ALPI: variants seen among roughly 807,000 people sequenced by gnomAD.
ALPI encodes alkaline phosphatase, intestinal, also known as intestinal-type alkaline phosphatase.
A neutral mutation model predicts 51.5 loss-of-function variants in ALPI; 50 were observed. That is an observed-to-expected ratio of 0.97 (90% CI 0.77 to 1.23). The LOEUF is 1.23. Among genes scored for constraint, ALPI ranks in the 50% most tolerant of loss-of-function variants. ALPI has a pLI of 0.00. For missense variants in ALPI, 692 were observed against 722.4 expected (o/e 0.96, Z 0.48); for synonymous variants, 322 against 308.2 (o/e 1.04, Z -0.47).
At position 232,460,249 on chromosome 2, in the gene ALPI, G is replaced by A. The variant is rs1212830665; in HGVS notation, c.*1103G>A. ...AGGCCAAGGGCTGGATCAGAGGGGT[G>A]GGGGTGGGTGGGCAGAGTGGGGAAA... On this transcript the variant is annotated 3_prime_UTR_variant, in exon 11 of 11. Coordinates refer to ENST00000295463, the MANE Select transcript of ALPI (RefSeq NM_001631.5). Among the ~76,000 whole-genome samples the A allele has an allele frequency of 1.3e-5, 2 of 151,794 alleles. No individual in the cohort carries two copies. The highest frequency in any genetic ancestry group is 2.9e-5 in the Non-Finnish European group (2 of 67,930).
In ALPI at chr2:232,456,577, C is replaced by T; in HGVS notation, c.185-3C>T. The stretch of plus-strand genomic sequence containing the variant: ...CAGGACTCACACATTTCTGCTCCTT[C>T]AGGGTTGGGGGTGCCCACGGTGACA... On this transcript the variant is annotated splice_region_variant and splice_polypyrimidine_tract_variant and intron_variant, in intron 2 of 10. Transcript: ENST00000295463. This position sits in a 1 kb window ranked among gnomAD's most constrained non-coding sequence, Gnocchi z 4.2. The T allele has an allele frequency of 6.2e-7, 1 of 1,611,846 alleles. No individual in the cohort carries two copies. Among genetic ancestry groups the T allele is most frequent in the South Asian group, 1.1e-5 (1 of 90,686 alleles).
Position 232,456,761 on chromosome 2 carries a change from A to G in ALPI, c.300+66A>G. The G allele has an allele frequency of 1.3e-6, 2 of 1,545,084 alleles. No individual in the cohort carries two copies. Among genetic ancestry groups the G allele is most frequent in the East Asian group, 2.4e-5 (1 of 42,184 alleles). ...AGGGATCAAGGATATGGAGTGTGGCAGGAGGGAGGGAGCCAGGACAGCTGG... is the reference window on the plus strand; with the variant it reads ...AGGGATCAAGGATATGGAGTGTGGCGGGAGGGAGGGAGCCAGGACAGCTGG... On this transcript the variant is annotated intron_variant, in intron 3 of 10. Transcript: ENST00000295463. This position sits in a 1 kb window ranked among gnomAD's most constrained non-coding sequence, Gnocchi z 4.2.
chr2:232,458,721 C>T lies in ALPI; in HGVS notation c.1273C>T (p.Arg425Ter), dbSNP rs746291191. The T allele has an allele frequency of 1.1e-5, 18 of 1,613,914 alleles. No individual in the cohort carries two copies. The highest frequency in any genetic ancestry group is 3.3e-5 in the South Asian group (3 of 91,078). The stretch of plus-strand genomic sequence containing the variant: ...GGGCTACGTGTTCAACTCAGGCGTG[C>T]GACCAGACGTGAATGAGAGCGAGAG... Reference protein sequence around the residue: ...GPGYVFNSGVRPDVNESESGS... With the variant: ...GPGYVFNSGV The change falls in exon 10 of 11, where the codon CGA (arginine) becomes TGA (stop). Residue 425 changes from arginine (R) to a stop codon, truncating the protein, a stop_gained. Coordinates refer to ENST00000295463, the MANE Select transcript of ALPI (RefSeq NM_001631.5). LOFTEE classifies it low-confidence loss of function (END_TRUNC).
chr2:232,458,292 C>T lies in ALPI; in HGVS notation c.1067C>T (p.Ala356Val). 6.2e-7 allele frequency: 1 copy of T among 1,614,162 alleles called. No homozygotes were observed. The highest frequency in any genetic ancestry group is 1.1e-5 in the South Asian group (1 of 91,084). The change falls in exon 9 of 11, where the codon GCC (alanine) becomes GTC (valine). Residue 356 changes from alanine (A) to valine (V), a missense_variant. Physicochemically the swap from Ala to Val is moderately conservative, Grantham distance 64 (BLOSUM62 0). Transcript: ENST00000295463. ...ACTGAGGCGGTCATGTTCGACGACG[C>T]CATTGAGAGGGCGGGCCAGCTCACC... is the stretch of plus-strand genomic sequence containing the variant. ...ALTEAVMFDD[A>V]IERAGQLTSE... is the part of the protein sequence containing the mutation.
At position 232,456,502 on chromosome 2, in the gene ALPI, A is replaced by G; in HGVS notation, c.184+37A>G. Reference sequence around the variant, plus strand: ...AGGCCTGTCCAGCCCCGTAGTCCTCACAGCCCCGGCACCCGGGACCTTCAG... The same window carrying G: ...AGGCCTGTCCAGCCCCGTAGTCCTCGCAGCCCCGGCACCCGGGACCTTCAG... On this transcript the variant is annotated intron_variant, in intron 2 of 10. Coordinates refer to ENST00000295463, the MANE Select transcript of ALPI (RefSeq NM_001631.5). This position sits in a 1 kb window ranked among gnomAD's most constrained non-coding sequence, Gnocchi z 4.2. 1 of 1,612,732 alleles carries G rather than the reference A, an allele frequency of 6.2e-7. No homozygotes were observed. The highest frequency in any genetic ancestry group is 8.5e-7 in the Non-Finnish European group (1 of 1,179,316).
rs762559851 is a variant in ALPI at position 232,456,215 on chromosome 2, G to GTGC, written c.28_30dup (p.Leu10dup). On this transcript the variant is annotated inframe_insertion, in exon 1 of 11. Coordinates refer to ENST00000295463, the MANE Select transcript of ALPI (RefSeq NM_001631.5). This position sits in a 1 kb window ranked among gnomAD's most constrained non-coding sequence, Gnocchi z 4.2. ...CCCCCAAGACATGCAGGGGCCCTGG[G>GTGC]TGCTGCTGCTGCTGGGCCTGAGGCT... is the stretch of plus-strand genomic sequence containing the variant. 2.7e-5 allele frequency: 44 copies of GTGC among 1,613,472 alleles called. No homozygotes were observed. The Admixed American group carries it at 3.3e-4, about 12-fold the overall frequency.
Position 232,456,990 on chromosome 2 carries a change from T to C in ALPI, c.392T>C (p.Leu131Ser). The C allele has an allele frequency of 6.2e-7, 1 of 1,613,570 alleles. No individual in the cohort carries two copies. The highest frequency in any genetic ancestry group is 8.5e-7 in the Non-Finnish European group (1 of 1,180,006). The stretch of plus-strand genomic sequence containing the variant: ...AAGGCCAACTTCCAGACCATCGGCT[T>C]GAGTGCAGCCGCCCGCTTTAACCAG... ...GVKANFQTIG[L>S]SAAARFNQCN... The change falls in exon 4 of 11, where the codon TTG (leucine) becomes TCG (serine). Residue 131 changes from leucine (L) to serine (S), a missense_variant. Transcript: ENST00000295463. The surrounding 1 kb of genome is among the most constrained non-coding windows in gnomAD (Gnocchi z 4.2).
rs1200798216 is a variant in ALPI at position 232,458,238 on chromosome 2, A to T, written c.1013A>T (p.His338Leu). The change falls in exon 9 of 11, where the codon CAT (histidine) becomes CTT (leucine). Residue 338 changes from histidine to leucine, a missense_variant. Transcript: ENST00000295463. ...FVEGGRIDHG[H>L]HEGVAYQALT... ...GCAGGCGGCCGCATCGACCATGGTC[A>T]TCATGAGGGTGTGGCTTACCAGGCA... The T allele has an allele frequency of 3.1e-6, 5 of 1,614,040 alleles. No individual in the cohort carries two copies. The highest frequency in any genetic ancestry group is 4.2e-6 in the Non-Finnish European group (5 of 1,180,026).
rs1378715230 is a variant in ALPI at position 232,456,206 on chromosome 2, G to A, written c.7G>A (p.Gly3Arg). Residue 3 changes from glycine (G) to arginine (R), a missense_variant, in exon 1 of 11, where the codon GGG becomes AGG. Transcript: ENST00000295463. This position sits in a 1 kb window ranked among gnomAD's most constrained non-coding sequence, Gnocchi z 4.2. MQ[G>R]PWVLLLLGLR... ...CTCCTGCTGCCCCCAAGACATGCAG[G>A]GGCCCTGGGTGCTGCTGCTGCTGGG... is the stretch of plus-strand genomic sequence containing the variant. The A allele has an allele frequency of 6.2e-7, 1 of 1,613,438 alleles. No homozygotes were observed. The highest frequency in any genetic ancestry group is 1.8e-4 in the Middle Eastern group (1 of 5,608).
chr2:232,457,735 G>A lies in ALPI; in HGVS notation c.783+36G>A, dbSNP rs761893711. The stretch of plus-strand genomic sequence containing the variant: ...CTGGTGGGTGTGGGAGGCACGGCAG[G>A]GGGAGGCCAAGTGTGTGGGTCTCAG... On this transcript the variant is annotated intron_variant, in intron 6 of 10. Transcript: ENST00000295463. This position sits in a 1 kb window ranked among gnomAD's most constrained non-coding sequence, Gnocchi z 4.7. The A allele has an allele frequency of 6.2e-7, 1 of 1,611,006 alleles. No individual in the cohort carries two copies. Among genetic ancestry groups the A allele is most frequent in the Non-Finnish European group, 8.5e-7 (1 of 1,177,958 alleles).
At position 232,456,666 on chromosome 2, in the gene ALPI, G is replaced by A. The variant is rs1274213283; in HGVS notation, c.271G>A (p.Asp91Asn). The A allele has an allele frequency of 6.2e-7, 1 of 1,610,150 alleles. No individual in the cohort carries two copies. The highest frequency in any genetic ancestry group is 8.5e-7 in the Non-Finnish European group (1 of 1,178,248). ...KLGPETPLAM[D>N]RFPYLALSKT... The stretch of plus-strand genomic sequence containing the variant: ...GGGGCCTGAGACGCCCCTGGCCATG[G>A]ACCGCTTCCCATACCTGGCTCTGTC... The change falls in exon 3 of 11, where the codon GAC becomes AAC. Residue 91 changes from aspartate to asparagine, a missense_variant. Transcript: ENST00000295463. The surrounding 1 kb of genome is among the most constrained non-coding windows in gnomAD (Gnocchi z 4.2).
In ALPI at chr2:232,458,086, G is replaced by A. The variant is rs1690232014; in HGVS notation, c.945G>A (p.Leu315=). The part of the protein sequence containing the change: ...PSLMEMTEAA[L]RLLSRNPRGF... ...TGATGGAGATGACAGAGGCTGCCCT[G>A]CGCCTGCTGAGCAGGAACCCCCGCG... Residue 315 remains leucine, a synonymous_variant, in exon 8 of 11, where the codon CTG becomes CTA. Transcript: ENST00000295463. 2 of 1,613,746 alleles carry A rather than the reference G, an allele frequency of 1.2e-6. No individual in the cohort carries two copies. The highest frequency in any genetic ancestry group is 1.7e-5 in the Admixed American group (1 of 59,956).
Position 232,456,515 on chromosome 2 carries a change from C to T in ALPI, c.184+50C>T, listed in dbSNP as rs752188879. 2 of 1,611,594 alleles carry T rather than the reference C, an allele frequency of 1.2e-6. No individual in the cohort carries two copies. The highest frequency in any genetic ancestry group is 3.3e-5 in the Admixed American group (2 of 59,914). ...CCCGTAGTCCTCACAGCCCCGGCAC[C>T]CGGGACCTTCAGTGGTTCCAGGACA... On this transcript the variant is annotated intron_variant, in intron 2 of 10. Transcript: ENST00000295463. The surrounding 1 kb of genome is among the most constrained non-coding windows in gnomAD (Gnocchi z 4.2).
chr2:232,459,380 C>A lies in ALPI; in HGVS notation c.*234C>A. 1.8e-6 allele frequency: 1 copy of A among 563,002 alleles called. No homozygotes were observed. Among genetic ancestry groups the A allele is most frequent in the Admixed American group, 3.2e-5 (1 of 31,220 alleles). The allele number at this position is 563,002 out of a possible 1,614,324, so 34.9% of individuals were successfully genotyped here. A position where few individuals can be genotyped will look rare whatever the true frequency, so the allele number is the denominator to read the frequency against. On this transcript the variant is annotated 3_prime_UTR_variant, in exon 11 of 11. Coordinates refer to ENST00000295463, the MANE Select transcript of ALPI (RefSeq NM_001631.5). ...TGAGCCTGGGACTTCCAGGACCTCC[C>A]CTCAGGTTGTTCTCTGATTCTTCCT...
At position 232,456,657 on chromosome 2, in the gene ALPI, CT is replaced by C. The variant is rs1559263570; in HGVS notation, c.263del (p.Leu88ArgfsTer44). On this transcript the variant is annotated frameshift_variant, in exon 3 of 11. Coordinates refer to ENST00000295463, the MANE Select transcript of ALPI (RefSeq NM_001631.5). LOFTEE classifies it high-confidence loss of function. This position sits in a 1 kb window ranked among gnomAD's most constrained non-coding sequence, Gnocchi z 4.2. ...KNGKLGPETP[L>X]AMDRFPYLAL... The stretch of plus-strand genomic sequence containing the variant: ...TGGCAAACTGGGGCCTGAGACGCCC[CT>C]GGCCATGGACCGCTTCCCATACCTG... The C allele has an allele frequency of 6.2e-7, 1 of 1,611,658 alleles. No individual in the cohort carries two copies.
chr2:232,457,487 G>C lies in ALPI; in HGVS notation c.649-78G>C. On this transcript the variant is annotated intron_variant, in intron 5 of 10. Transcript: ENST00000295463. This position sits in a 1 kb window ranked among gnomAD's most constrained non-coding sequence, Gnocchi z 4.7. ...GCCATTCCCACAGCCCTGGGGAGGG[G>C]AGCCAGGGGCTATGCATGAGGAGGG... 6.5e-7 allele frequency: 1 copy of C among 1,547,486 alleles called. No homozygotes were observed. Among genetic ancestry groups the C allele is most frequent in the Non-Finnish European group, 8.7e-7 (1 of 1,148,402 alleles).
At position 232,458,296 on chromosome 2, in the gene ALPI, T is replaced by G. The variant is rs766470000; in HGVS notation, c.1071T>G (p.Ile357Met). 3.1e-6 allele frequency: 5 copies of G among 1,614,114 alleles called. No individual in the cohort carries two copies. The highest frequency in any genetic ancestry group is 4.2e-6 in the Non-Finnish European group (5 of 1,180,018). ...LTEAVMFDDA[I>M]ERAGQLTSEE... ...AGGCGGTCATGTTCGACGACGCCAT[T>G]GAGAGGGCGGGCCAGCTCACCAGCG... Residue 357 changes from isoleucine (I) to methionine (M), a missense_variant, in exon 9 of 11, where the codon ATT becomes ATG. Transcript: ENST00000295463.
rs1016708590 is a variant in ALPI, at chr2:232,459,220, T to C, written c.*74T>C. The C allele has an allele frequency of 4.3e-5, 63 of 1,471,462 alleles. No homozygotes were observed. Among genetic ancestry groups the C allele is most frequent in the Non-Finnish European group, 5.5e-5 (61 of 1,114,200 alleles). 91.2% of individuals were successfully genotyped at this position (1,471,462 alleles called of 1,614,324 possible). ...CTGTTCCCCGTCCTGAGCCGCCACT[T>C]CCAGCGAACACACACAGGTGTCCTG... On this transcript the variant is annotated 3_prime_UTR_variant, in exon 11 of 11. Coordinates refer to ENST00000295463, the MANE Select transcript of ALPI (RefSeq NM_001631.5).
In ALPI at chr2:232,456,424, T is replaced by C. The variant is rs771952254; in HGVS notation, c.143T>C (p.Ile48Thr). ...ALDAAKKLQP[I>T]QKVAKNLILF... Reference sequence around the variant, plus strand: ...GATGCTGCCAAGAAGCTGCAGCCCATCCAGAAGGTCGCCAAGAACCTCATC... The same window carrying C: ...GATGCTGCCAAGAAGCTGCAGCCCACCCAGAAGGTCGCCAAGAACCTCATC... The change falls in exon 2 of 11, where the codon ATC (isoleucine) becomes ACC (threonine). Residue 48 changes from isoleucine to threonine, a missense_variant. Coordinates refer to ENST00000295463, the MANE Select transcript of ALPI (RefSeq NM_001631.5). This position sits in a 1 kb window ranked among gnomAD's most constrained non-coding sequence, Gnocchi z 4.2. 1 of 1,613,900 alleles carries C rather than the reference T, an allele frequency of 6.2e-7. No individual in the cohort carries two copies. The highest frequency in any genetic ancestry group is 8.5e-7 in the Non-Finnish European group (1 of 1,180,002).
Sources: allele counts gnomAD v4.1 joint callset (sites outside exome capture counted in the v4.1 genomes callset), GRCh38; gene constraint gnomAD v4.1.1; non-coding constraint Gnocchi (gnomAD v3.1); transcripts MANE v1.5; gene names NCBI Gene and HGNC (gene_info 2026-07-23, HGNC 2026-07-21).